Variants in RIF1 observed in about 807,000 individuals in gnomAD.
RIF1 encodes telomere-associated protein RIF1.
A neutral mutation model predicts 247.1 loss-of-function variants in RIF1; 45 were observed. That is an observed-to-expected ratio of 0.18 (90% CI 0.14 to 0.23). The LOEUF (loss-of-function observed/expected upper bound fraction) is 0.23. Among genes scored for constraint, RIF1 ranks in the 10% least tolerant of loss-of-function variants. The probability of loss-of-function intolerance (pLI) is 1.00; values close to 1 mark genes in which losing one functional copy is unlikely to be tolerated. For missense variants in RIF1, 2,967 were observed against 2,862.5 expected, an observed-to-expected ratio of 1.04 and a Z score of -0.83; for synonymous variants, 1,087 against 978.8, an observed-to-expected ratio of 1.11 and a Z score of -2.06.
chr2:151,458,945 G>T, intron 25 of RIF1, 35 bp downstream of exon 25: 1 of 1,273,248 alleles, frequency 7.9e-7, no homozygotes. Flanking sequence ...ATTTGTTTTT[G>T]GACATTTAAG....
At chr2:151,491,343 T>G (rs1016049121) in intron 9 of RIF1, 6 of 212,470 alleles carry the variant, frequency 2.8e-5, no homozygotes, top group Non-Finnish European at 5.8e-5. Flanking sequence ...CTCAGGAAGT[T>G]CCTACAGGTC....
At chr2:151,525,178 G>A in the RIF1 span, 1 of 1,613,322 alleles carries the variant, frequency 6.2e-7, no homozygotes, top group East Asian at 2.2e-5. Context: ...TTTGCTTCTT[G>A]GCCACTTCCA....
chr2:151,502,096 A>G (rs2065075231), intron 11 of RIF1, among the ~76,000 whole-genome samples: 1 of 152,190 alleles, frequency 6.6e-6, no homozygotes, highest in African/African-American at 2.4e-5. Flanking sequence ...GGAGACTAGT[A>G]TTGTAAGTGA....
At chr2:151,423,202 G>A (rs1688463273) in intron 8 of RIF1, 160 bp downstream of exon 8, 1 of 567,482 alleles carries the variant, frequency 1.8e-6, no homozygotes, top group Non-Finnish European at 3.1e-6. Flanking sequence ...TCTGAAACCA[G>A]TACTTGCATT....
In RIF1 at chr2:151,479,151, G is replaced by A. The variant is rs2049066289; in HGVS notation, c.*4080G>A. ...GGTAGATGGGCCTAAGAGGCTTCAG[G>A]CTGTGTTTTAGGTTTTGGTAAGCCA... is the stretch of plus-strand genomic sequence containing the variant. On this transcript the variant is annotated 3_prime_UTR_variant, in exon 36 of 36. Transcript: ENST00000444746. 1 of 152,132 alleles carries A rather than the reference G, an allele frequency of 6.6e-6. No individual in the cohort carries two copies. Among genetic ancestry groups the A allele is most frequent in the Admixed American group, 6.5e-5 (1 of 15,282 alleles). 9.4% of individuals were successfully genotyped at this position (152,132 alleles called of 1,614,324 possible). A position where few individuals can be genotyped will look rare whatever the true frequency, so the allele number is the denominator to read the frequency against.
intron 15 of RIF1, among the ~76,000 whole-genome samples, chr2:151,440,658 T>C (rs2432938): frequency 0.72 from 108,979 of 152,002 alleles, 39,275 homozygotes; most frequent in Middle Eastern, 0.8. Context: ...CCTTTATGTA[T>C]TTTGATAGTT....
At position 151,497,214 on chromosome 2, in the gene RIF1, A is replaced by C. The variant is rs185310275; in HGVS notation, c.*513+1888A>C. ...TTTAGTGGAAGTTGTTGGGATGGGG[A>C]ATCTGCACCCTCTAGAGAAGCAGGG... On this transcript the variant is annotated intron_variant and NMD_transcript_variant, in intron 10 of 13. Coordinates refer to the RIF1 transcript ENST00000454583. The C allele has an allele frequency of 2.5e-5, 19 of 756,782 alleles. No homozygotes were observed. In the East Asian group the frequency reaches 1.4e-3, roughly 57 times the overall value. 46.9% of individuals were successfully genotyped at this position (756,782 alleles called of 1,614,324 possible). A position where few individuals can be genotyped will look rare whatever the true frequency, so the allele number is the denominator to read the frequency against.
chr2:151,456,926 G>A (rs1345497169), intron 23 of RIF1, among the ~76,000 whole-genome samples: 1 of 151,998 alleles, frequency 6.6e-6, no homozygotes, highest in Non-Finnish European at 1.5e-5. Context: ...TAGAGACAGG[G>A]TTTCACCATG....
At chr2:151,421,519 A>G (rs561174016) in intron 7 of RIF1, among the ~76,000 whole-genome samples, 122 of 152,276 alleles carry the variant, frequency 8.0e-4, no homozygotes, top group Non-Finnish European at 1.5e-3. Flanking sequence ...TATGGCAGGG[A>G]CCATTGTAAG....
the RIF1 span, chr2:151,526,410 A>G: frequency 1.5e-6 from 1 of 661,894 alleles, no homozygotes; most frequent in East Asian, 2.7e-5. Flanking sequence ...AAATATTCAA[A>G]AGGGTTTTTT....
At chr2:151,470,160 A>T (rs1697575316) in intron 34 of RIF1, among the ~76,000 whole-genome samples, 1 of 152,058 alleles carries the variant, frequency 6.6e-6, no homozygotes, top group South Asian at 2.1e-4. Flanking sequence ...TGTAGGTCAC[A>T]GTATTTTGGT....
intron 35 of RIF1, 21 bp downstream of exon 35, chr2:151,474,093 G>C: frequency 8.8e-7 from 1 of 1,134,052 alleles, no homozygotes; most frequent in South Asian, 1.3e-5. Context: ...GCAAAAGTGG[G>C]ATAATTTTAT....
chr2:151,513,646 C>T, the RIF1 span: 1 of 1,609,602 alleles, frequency 6.2e-7, no homozygotes, highest in African/African-American at 1.3e-5. Flanking sequence ...CCATGGCATT[C>T]AGGCCTCTTC....
chr2:151,468,988 A>G (rs1697387281), intron 33 of RIF1, among the ~76,000 whole-genome samples: 1 of 152,172 alleles, frequency 6.6e-6, no homozygotes, highest in African/African-American at 2.4e-5. Context: ...GAACCCTTAT[A>G]TCATTATCTT....
At chr2:151,411,111 T>C (rs1573819643) in intron 2 of RIF1, 149 bp from the exon 3 acceptor site, 1 of 581,606 alleles carries the variant, frequency 1.7e-6, no homozygotes, top group East Asian at 2.9e-5. Flanking sequence ...GCATTATATA[T>C]TCTGTATACC....
chr2:151,457,654 G>A, intron 23 of RIF1, 107 bp from the exon 24 acceptor site: 1 of 731,720 alleles, frequency 1.4e-6, no homozygotes, highest in Admixed American at 2.5e-5. Context: ...AGGCAACAGT[G>A]GGGGTTAGTT....
At position 151,435,143 on chromosome 2, in the gene RIF1, A is replaced by G. The variant is rs191133950; in HGVS notation, c.1078-320A>G. Among the ~76,000 whole-genome samples, 24 of 152,322 alleles carry G rather than the reference A, an allele frequency of 1.6e-4. No individual in the cohort carries two copies. In the East Asian group the frequency reaches 2.7e-3, roughly 17 times the overall value. The stretch of plus-strand genomic sequence containing the variant: ...TATTTGGTAACTACATGTGACTGGT[A>G]CTAGGATGATGTTAGAAATGAGCTT... On this transcript the variant is annotated intron_variant, in intron 10 of 35. Transcript: ENST00000444746.
chr2:151,500,353 C>T (rs988499407), intron 11 of RIF1, among the ~76,000 whole-genome samples: 7 of 152,002 alleles, frequency 4.6e-5, no homozygotes, highest in African/African-American at 1.7e-4. Flanking sequence ...TTCCTAATGA[C>T]ATTTGATTCT....
the RIF1 span, among the ~76,000 whole-genome samples, chr2:151,523,982 A>G: frequency 6.6e-6 from 1 of 152,210 alleles, no homozygotes; most frequent in African/African-American, 2.4e-5. Context: ...TCAAGTATGA[A>G]TCAGACCCCG....
Sources: allele counts gnomAD v4.1 joint callset (sites outside exome capture counted in the v4.1 genomes callset), GRCh38; gene constraint gnomAD v4.1.1; transcripts MANE v1.5; gene names NCBI Gene and HGNC (gene_info 2026-07-23, HGNC 2026-07-21).